NBPF11: variants seen among roughly 807,000 people sequenced by gnomAD.
NBPF11 encodes the protein NBPF member 11.
NBPF11 carries 72 observed loss-of-function variants against 93.9 expected under a neutral mutation model. The ratio of observed to expected loss-of-function variants is 0.77; its 90% confidence interval spans 0.63 to 0.93. The LOEUF (loss-of-function observed/expected upper bound fraction) is 0.93, where lower values mean the gene tolerates loss of function less well. Among genes scored for constraint, NBPF11 ranks in the 40% least tolerant of loss-of-function variants. The pLI is 0.00. For missense variants in NBPF11, 705 were observed against 802.2 expected, an observed-to-expected ratio of 0.88 and a Z score of 1.46; for synonymous variants, 224 against 304.9, an observed-to-expected ratio of 0.73 and a Z score of 2.76.
At chr1:148,146,704 G>A in intron 1 of NBPF11, 3 of 1,611,938 alleles carry the variant, frequency 1.9e-6, no homozygotes, top group Non-Finnish European at 2.5e-6. Flanking sequence ...CTGCATGTAT[G>A]TTCGCTGCGT....
At chr1:148,142,378 G>A (rs1224277325) in intron 2 of NBPF11, among the ~76,000 whole-genome samples, 2 of 151,846 alleles carry the variant, frequency 1.3e-5, no homozygotes, top group African/African-American at 4.9e-5. Context: ...TGTTGCCAGA[G>A]ACACTGAGTC....
At chr1:148,119,727 C>T (rs1667393932) in intron 10 of NBPF11, among the ~76,000 whole-genome samples, 1 of 151,954 alleles carries the variant, frequency 6.6e-6, no homozygotes, top group African/African-American at 2.4e-5. Flanking sequence ...AAAATCTTGG[C>T]TCACTGCAAC....
chr1:148,105,721 GACACAC>G (rs781939834), intron 21 of NBPF11, among the ~76,000 whole-genome samples, 193 bp from the exon 22 acceptor site: 2 of 95,972 alleles, frequency 2.1e-5, no homozygotes, highest in Non-Finnish European at 1.9e-5. Flanking sequence ...GAGAAAGACA[GACACAC>G]ACACACACAC....
intron 11 of NBPF11, among the ~76,000 whole-genome samples, chr1:148,118,169 A>G (rs1184456181): frequency 6.8e-6 from 1 of 146,150 alleles, no homozygotes. Flanking sequence ...AAATGAGGCC[A>G]GATGCAGATA....
intron 9 of NBPF11, among the ~76,000 whole-genome samples, chr1:148,121,134 T>G (rs1416208403): frequency 2.6e-5 from 4 of 151,772 alleles, no homozygotes; most frequent in Non-Finnish European, 2.9e-5. Context: ...CACCTCTGCC[T>G]CCCGGGTTCA....
intron 4 of NBPF11, among the ~76,000 whole-genome samples, chr1:148,127,944 C>G (rs1162366425): frequency 3.3e-5 from 5 of 151,662 alleles, no homozygotes; most frequent in Non-Finnish European, 7.4e-5. Flanking sequence ...CGTGAGCCAC[C>G]GCACACGGCC....
At chr1:148,104,057 G>T in intron 23 of NBPF11, 145 bp from the exon 24 acceptor site, 4 of 1,543,190 alleles carry the variant, frequency 2.6e-6, no homozygotes, top group Non-Finnish European at 8.9e-7. Context: ...TTGCCTTTAT[G>T]TTGGGATAGA....
At position 148,104,379 on chromosome 1, in the gene NBPF11, A is replaced by G. The variant is rs1185985559; in HGVS notation, c.2581+158T>C. ...AAATGATAAGGGGAGGAAGAAATGG[A>G]AACCTAAACATCTACTGCAATGAAA... On this transcript the variant is annotated intron_variant, in intron 23 of 23. Transcript: ENST00000682118. Among the ~76,000 whole-genome samples the G allele has an allele frequency of 4.3e-4, 63 of 147,444 alleles. 3 individuals are homozygous for G. The highest frequency in any genetic ancestry group is 1.6e-3 in the African/African-American group (61 of 38,076).
At chr1:148,120,807 C>T (rs1268906872) in intron 9 of NBPF11, 97 bp from the exon 10 acceptor site, 4 of 937,330 alleles carry the variant, frequency 4.3e-6, no homozygotes, top group South Asian at 1.3e-5. Context: ...GCCTTGTTTA[C>T]TTATTTGAAG....
At position 148,103,420 on chromosome 1, in the gene NBPF11, A is replaced by G. The variant is rs1360739537; in HGVS notation, c.*476T>C. 6 of 590,360 alleles carry G rather than the reference A, an allele frequency of 1.0e-5. No individual in the cohort carries two copies. The Admixed American group carries it at 1.3e-4, about 13-fold the overall frequency. 36.6% of individuals were successfully genotyped at this position (590,360 alleles called of 1,614,324 possible). The stretch of plus-strand genomic sequence containing the variant: ...TACCCAGAGATACGTGGTTCAAATT[A>G]AAATGTCCGACTGATCACTCCCGGC... On this transcript the variant is annotated 3_prime_UTR_variant, in exon 24 of 24. Transcript: ENST00000682118.
intron 4 of NBPF11, chr1:148,129,522 C>T (rs1402943046): frequency 1.3e-5 from 2 of 153,492 alleles, no homozygotes; most frequent in East Asian, 1.9e-4. Flanking sequence ...GCGGACGGGA[C>T]CTGTTAGGAC....
chr1:148,112,104 C>CTT (rs1171126687), intron 15 of NBPF11, among the ~76,000 whole-genome samples: 10,729 of 130,492 alleles, frequency 0.082, 1,189 homozygotes, highest in Middle Eastern at 0.16. Context: ...ATTCAACATT[C>CTT]TTTTTTTTCC....
chr1:148,141,768 C>G lies in NBPF11; in HGVS notation c.-277+1647G>C, dbSNP rs1311744241. On this transcript the variant is annotated intron_variant, in intron 2 of 23. Coordinates refer to ENST00000682118, the MANE Select transcript of NBPF11 (RefSeq NM_001385469.3). The stretch of plus-strand genomic sequence containing the variant: ...ATGACTAGGAACCACTGAGACTCAG[C>G]AGCTGCCCCAGTGGCACCCACAAAT... Among the ~76,000 whole-genome samples the G allele has an allele frequency of 1.5e-3, 233 of 151,850 alleles. 4 individuals carry two copies. Among genetic ancestry groups the G allele is most frequent in the African/African-American group, 5.4e-3 (223 of 41,210 alleles).
chr1:148,131,782 C>A, intron 4 of NBPF11, among the ~76,000 whole-genome samples: 1 of 57,978 alleles, frequency 1.7e-5, no homozygotes, highest in Non-Finnish European at 3.5e-5. Flanking sequence ...GTGTAAATTC[C>A]TAGGAATGGA....
intron 4 of NBPF11, among the ~76,000 whole-genome samples, chr1:148,131,368 T>C (rs1670310027): frequency 6.6e-6 from 1 of 151,510 alleles, no homozygotes; most frequent in African/African-American, 2.4e-5. Context: ...TTATTGGAGA[T>C]CTGAAGGGAC....
intron 9 of NBPF11, among the ~76,000 whole-genome samples, chr1:148,121,045 G>T (rs1283632491): frequency 1.3e-5 from 2 of 151,684 alleles, no homozygotes; most frequent in African/African-American, 2.4e-5. Context: ...TCCTTTTTTG[G>T]TTTTTTGTTT....
intron 23 of NBPF11, among the ~76,000 whole-genome samples, chr1:148,104,244 G>C (rs1433458665): frequency 1.2e-4 from 17 of 144,698 alleles, no homozygotes; most frequent in East Asian, 2.1e-4. Context: ...AGCAAACTGT[G>C]ATCATGAAAA....
intron 11 of NBPF11, among the ~76,000 whole-genome samples, chr1:148,118,221 C>T (rs1157000445): frequency 4.0e-5 from 6 of 150,666 alleles, no homozygotes; most frequent in East Asian, 2.0e-4. Context: ...ATGACAGGGT[C>T]GAGAAGGCAA....
intron 1 of NBPF11, chr1:148,146,955 C>T (rs1673232349): frequency 2.6e-6 from 4 of 1,544,416 alleles, no homozygotes; most frequent in Non-Finnish European, 2.6e-6. Flanking sequence ...TCAGCCTGGG[C>T]ACACCCAAGA....
Sources: gnomAD v4.1 joint callset for allele counts (sites outside exome capture counted in the v4.1 genomes callset) on GRCh38, gnomAD v4.1.1 for gene constraint, MANE v1.5 for transcripts, NCBI Gene and HGNC (gene_info 2026-07-23, HGNC 2026-07-21) for gene names.